RBM28: variants seen among roughly 807,000 people sequenced by gnomAD.
The protein encoded by RBM28 is RNA binding motif protein 28.
A neutral mutation model predicts 98.3 loss-of-function variants in RBM28; 78 were observed. The ratio of observed to expected loss-of-function variants is 0.79; its 90% CI spans 0.66 to 0.96. The LOEUF (loss-of-function observed/expected upper bound fraction) is 0.96, where lower values mean the gene tolerates loss of function less well. RBM28 is among the 40% of genes least tolerant of loss of function. The pLI is 0.00. For synonymous variants in RBM28, 306 were observed against 330.9 expected (o/e 0.92, Z 0.82); for missense variants, 838 against 913.0 (o/e 0.92, Z 1.06).
chr7:128,331,028 G>T, intron 9 of RBM28, 100 bp from the exon 10 acceptor site: 2 of 825,524 alleles, frequency 2.4e-6, no homozygotes, highest in Non-Finnish European at 4.1e-6. Flanking sequence ...ACTCTCCCTT[G>T]TTCAGAAATA....
chr7:128,335,775 A>G (rs1796583828), intron 7 of RBM28, 72 bp downstream of exon 7: 2 of 1,613,648 alleles, frequency 1.2e-6, no homozygotes, highest in East Asian at 4.5e-5. Context: ...CAGGCAGAAA[A>G]AGGAGAATTT....
chr7:128,313,521 C>A (rs75210081), intron 17 of RBM28, among the ~76,000 whole-genome samples: 3,991 of 152,268 alleles, frequency 0.026, 156 homozygotes, highest in African/African-American at 0.091. Flanking sequence ...AAAGTCCCAG[C>A]TACTCAGGAG....
intron 8 of RBM28, among the ~76,000 whole-genome samples, chr7:128,333,847 T>C (rs879876525): frequency 1.4e-4 from 21 of 152,148 alleles, no homozygotes; most frequent in Admixed American, 2.0e-4. Flanking sequence ...CACCAACAGA[T>C]TGCAAAATCA....
rs547167684 is a variant in RBM28 at position 128,304,236 on chromosome 7, C to T, written c.*6561G>A. The T allele has an allele frequency of 2.4e-4, 36 of 152,200 alleles. No homozygotes were observed. The highest frequency in any genetic ancestry group is 7.7e-4 in the African/African-American group (32 of 41,524). The allele number at this position is 152,200 out of a possible 1,614,324, so 9.4% of individuals were successfully genotyped here. A position where few individuals can be genotyped will look rare whatever the true frequency, so the allele number is the denominator to read the frequency against. Reference sequence around the variant, plus strand: ...TTCTAGAAAAGTTTTTTACAGAATGCTTTTGTTGATTTTTGCTGACTCTTC... The same window carrying T: ...TTCTAGAAAAGTTTTTTACAGAATGTTTTTGTTGATTTTTGCTGACTCTTC... On this transcript the variant is annotated 3_prime_UTR_variant, in exon 19 of 19. Coordinates refer to ENST00000223073, the MANE Select transcript of RBM28 (RefSeq NM_018077.3).
rs548792287 is a variant in RBM28 at position 128,321,573 on chromosome 7, G to C, written c.1405-149C>G. The C allele has an allele frequency of 3.1e-6, 3 of 953,262 alleles. No individual in the cohort carries two copies. The African/African-American group carries it at 4.9e-5, about 16-fold the overall frequency. The allele number at this position is 953,262 out of a possible 1,614,324, so 59.1% of individuals were successfully genotyped here. ...ACTGCCCACACCGCAGCTTTACAATGCCTAGTATAGGGAAAGAAAAGTCCA... is the reference window on the plus strand; with the variant it reads ...ACTGCCCACACCGCAGCTTTACAATCCCTAGTATAGGGAAAGAAAAGTCCA... On this transcript the variant is annotated intron_variant, in intron 13 of 18. Coordinates refer to ENST00000223073, the MANE Select transcript of RBM28 (RefSeq NM_018077.3).
chr7:128,343,747 C>T lies in RBM28; in HGVS notation c.47G>A (p.Arg16His), dbSNP rs773917237. ...LFVGRLPPSA[R>H]SEQLEELFSQ... is the part of the protein sequence containing the mutation. ...GAACAGTTCCTCCAGCTGCTCACTG[C>T]GGGCCGAGGGCGGGAGGCGGCCCAC... The change falls in exon 1 of 19, where the codon CGC (arginine) becomes CAC (histidine). Residue 16 changes from arginine (R) to histidine (H), a missense_variant. Coordinates refer to ENST00000223073, the MANE Select transcript of RBM28 (RefSeq NM_018077.3). 1.9e-6 allele frequency: 3 copies of T among 1,610,312 alleles called. No homozygotes were observed. Among genetic ancestry groups the T allele is most frequent in the East Asian group, 4.5e-5 (2 of 44,454 alleles).
At chr7:128,323,735 C>A in intron 12 of RBM28, 144 bp from the exon 13 acceptor site, 1 of 830,552 alleles carries the variant, frequency 1.2e-6, no homozygotes. Flanking sequence ...TTGGTTAGGT[C>A]CAGAAATAGG....
chr7:128,309,719 T>C lies in RBM28; in HGVS notation c.*1078A>G. ...GGGGAGGGGAAGAAAAGCCCTACTT[T>C]AGATAGTCTGGGAAGAGCTCCAGGA... is the stretch of plus-strand genomic sequence containing the variant. On this transcript the variant is annotated 3_prime_UTR_variant, in exon 19 of 19. Coordinates refer to ENST00000223073, the MANE Select transcript of RBM28 (RefSeq NM_018077.3). 1 of 151,778 alleles carries C rather than the reference T, an allele frequency of 6.6e-6. No homozygotes were observed. The highest frequency in any genetic ancestry group is 1.9e-4 in the East Asian group (1 of 5,168). 9.4% of individuals were successfully genotyped at this position (151,778 alleles called of 1,614,324 possible). A position where few individuals can be genotyped will look rare whatever the true frequency, so the allele number is the denominator to read the frequency against.
Position 128,299,833 on chromosome 7 carries a change from C to T in RBM28, c.*10964G>A, listed in dbSNP as rs569587656. ...TGAAATCATTGGGCTGGGCCTAAGCCAATATGACTGGTGTCTTTATAAGAA... is the reference window on the plus strand; with the variant it reads ...TGAAATCATTGGGCTGGGCCTAAGCTAATATGACTGGTGTCTTTATAAGAA... On this transcript the variant is annotated 3_prime_UTR_variant, in exon 19 of 19. Transcript: ENST00000223073. 1.3e-4 allele frequency: 20 copies of T among 151,722 alleles called. No homozygotes were observed. Among genetic ancestry groups the T allele is most frequent in the Admixed American group, 4.6e-4 (7 of 15,242 alleles). 9.4% of individuals were successfully genotyped at this position (151,722 alleles called of 1,614,324 possible).
chr7:128,313,538 G>T (rs1796034848), intron 17 of RBM28, among the ~76,000 whole-genome samples: 1 of 152,214 alleles, frequency 6.6e-6, no homozygotes, highest in African/African-American at 2.4e-5. Flanking sequence ...GGAGGCTGAG[G>T]AAGGTGGATT....
chr7:128,325,046 A>T (rs1249286696), intron 11 of RBM28, among the ~76,000 whole-genome samples: 2 of 152,050 alleles, frequency 1.3e-5, no homozygotes, highest in Non-Finnish European at 2.9e-5. Context: ...TAACAAAACA[A>T]AACAACACAT....
At chr7:128,339,947 C>A (rs1212241077) in intron 1 of RBM28, among the ~76,000 whole-genome samples, 156 bp from the exon 2 acceptor site, 1 of 152,148 alleles carries the variant, frequency 6.6e-6, no homozygotes, top group Non-Finnish European at 1.5e-5. Flanking sequence ...CTCAGGAGGG[C>A]GAGAAACAAG....
At position 128,314,759 on chromosome 7, in the gene RBM28, C is replaced by T. The variant is rs764157052; in HGVS notation, c.2045+5G>A. On this transcript the variant is annotated splice_donor_5th_base_variant and intron_variant, in intron 17 of 18. Coordinates refer to ENST00000223073, the MANE Select transcript of RBM28 (RefSeq NM_018077.3). Reference sequence around the variant, plus strand: ...GTTCTGTGCTTCTGCCCTCCTGCATCTCACCTGATTTTGGGGCCTCGGTGT... The same window carrying T: ...GTTCTGTGCTTCTGCCCTCCTGCATTTCACCTGATTTTGGGGCCTCGGTGT... 6.2e-7 allele frequency: 1 copy of T among 1,614,234 alleles called. No individual in the cohort carries two copies.
rs777978225 is a variant in RBM28 at position 128,307,504 on chromosome 7, T to G, written c.*3293A>C. 2 of 152,202 alleles carry G rather than the reference T, an allele frequency of 1.3e-5. No individual in the cohort carries two copies. The highest frequency in any genetic ancestry group is 2.9e-5 in the Non-Finnish European group (2 of 68,040). The allele number at this position is 152,202 out of a possible 1,614,324, so 9.4% of individuals were successfully genotyped here. On this transcript the variant is annotated 3_prime_UTR_variant, in exon 19 of 19. Coordinates refer to ENST00000223073, the MANE Select transcript of RBM28 (RefSeq NM_018077.3). ...GTACATTTTGAAGTATTTCGAAGAA[T>G]GAATCACATGCCCTAACTTTATAAT...
chr7:128,305,614 T>C lies in RBM28; in HGVS notation c.*5183A>G, dbSNP rs3208853. The stretch of plus-strand genomic sequence containing the variant: ...CTGGGAATATAGGCATGAGCCACCA[T>C]GCCAAGCCGAGGGAAGCTGTTTCTT... On this transcript the variant is annotated 3_prime_UTR_variant, in exon 19 of 19. Transcript: ENST00000223073. The C allele has an allele frequency of 1.3e-5, 2 of 152,424 alleles. No homozygotes were observed. Among genetic ancestry groups the C allele is most frequent in the Admixed American group, 1.3e-4 (2 of 15,304 alleles). The allele number at this position is 152,424 out of a possible 1,614,324, so 9.4% of individuals were successfully genotyped here.
chr7:128,317,650 T>C lies in RBM28; in HGVS notation c.1788+9A>G, dbSNP rs1200122752. On this transcript the variant is annotated intron_variant, in intron 16 of 18. Transcript: ENST00000223073. Reference sequence around the variant, plus strand: ...GTCCTTAAAAATATGGACCATTTAATTTCTGTACCAAGCTGCGCTGGATCC... The same window carrying C: ...GTCCTTAAAAATATGGACCATTTAACTTCTGTACCAAGCTGCGCTGGATCC... 2 of 1,582,552 alleles carry C rather than the reference T, an allele frequency of 1.3e-6. No individual in the cohort carries two copies. The highest frequency in any genetic ancestry group is 1.7e-5 in the Admixed American group (1 of 59,974).
intron 13 of RBM28, among the ~76,000 whole-genome samples, chr7:128,321,832 G>A (rs972171906): frequency 3.9e-5 from 6 of 152,276 alleles, no homozygotes; most frequent in Middle Eastern, 3.4e-3. Flanking sequence ...CAGATCACCC[G>A]AGGTCAGGAG....
chr7:128,333,944 A>G, intron 8 of RBM28, among the ~76,000 whole-genome samples: 1 of 152,244 alleles, frequency 6.6e-6, no homozygotes, highest in Non-Finnish European at 1.5e-5. Flanking sequence ...TTCTGGAAAT[A>G]CTGTATAGGA....
intron 14 of RBM28, 115 bp downstream of exon 14, chr7:128,321,151 G>A: frequency 7.2e-7 from 1 of 1,389,384 alleles, no homozygotes; most frequent in East Asian, 2.3e-5. Context: ...GGGCAACAGA[G>A]TGAGACTTCG....
Sources: allele counts gnomAD v4.1 joint callset (sites outside exome capture counted in the v4.1 genomes callset), GRCh38; gene constraint gnomAD v4.1.1; transcripts MANE v1.5; gene names NCBI Gene and HGNC (gene_info 2026-07-23, HGNC 2026-07-21).